NR6A1: variants seen among roughly 807,000 people sequenced by gnomAD.
The protein encoded by NR6A1 is retinoic acid receptor-related testis-associated receptor.
Under a neutral mutation model 59.1 loss-of-function variants are expected in NR6A1, and 7 were observed. The ratio of observed to expected loss-of-function variants is 0.12; its 90% CI spans 0.07 to 0.22. The LOEUF (loss-of-function observed/expected upper bound fraction) is 0.22, where lower values mean the gene tolerates loss of function less well. Among genes scored for constraint, NR6A1 ranks in the 10% least tolerant of loss-of-function variants. NR6A1 has a pLI of 1.00. For missense variants in NR6A1, 468 were observed against 611.6 expected, an observed-to-expected ratio of 0.77 and a Z score of 2.48; for synonymous variants, 243 against 236.1, an observed-to-expected ratio of 1.03 and a Z score of -0.27.
At chr9:124,719,801 T>C (rs1045601093) in intron 2 of NR6A1, among the ~76,000 whole-genome samples, 3 of 151,714 alleles carry the variant, frequency 2.0e-5, no homozygotes, top group Non-Finnish European at 2.9e-5. Context: ...GCGCCTATAG[T>C]CCCAGCCACT....
intron 2 of NR6A1, among the ~76,000 whole-genome samples, chr9:124,684,155 T>C (rs1838255452): frequency 6.6e-6 from 1 of 152,204 alleles, no homozygotes; most frequent in African/African-American, 2.4e-5. Flanking sequence ...ATGACCAAGC[T>C]GCCTCTCTTC....
chr9:124,553,549 C>CTTTTTTTTTTTTT (rs780925768), intron 3 of NR6A1, among the ~76,000 whole-genome samples: 481 of 47,354 alleles, frequency 0.01, 17 homozygotes, highest in Middle Eastern at 0.036. Flanking sequence ...TTTAGCTTGA[C>CTTTTTTTTTTTTT]TTTTTTTTTT....
intron 2 of NR6A1, among the ~76,000 whole-genome samples, chr9:124,661,158 A>G (rs917433816): frequency 6.6e-6 from 1 of 152,212 alleles, no homozygotes; most frequent in African/African-American, 2.4e-5. Context: ...TCAAAGCCCC[A>G]AGAATTTATT....
chr9:124,770,398 G>T (rs1369540510), intron 1 of NR6A1: 1 of 152,100 alleles, frequency 6.6e-6, no homozygotes, highest in Non-Finnish European at 1.5e-5. Context: ...CAGAGGTGGG[G>T]GGCTCGTAGT....
At chr9:124,559,885 T>C (rs944001823) in intron 2 of NR6A1, among the ~76,000 whole-genome samples, 10 of 152,232 alleles carry the variant, frequency 6.6e-5, no homozygotes, top group African/African-American at 2.2e-4. Context: ...TAAAACAAAG[T>C]ATCCAGAACT....
At chr9:124,616,243 A>C (rs1356736871) in intron 2 of NR6A1, among the ~76,000 whole-genome samples, 3 of 151,900 alleles carry the variant, frequency 2.0e-5, no homozygotes, top group Admixed American at 6.6e-5. Context: ...CTCTACTGAA[A>C]ATACAAAAAT....
intron 1 of NR6A1, among the ~76,000 whole-genome samples, chr9:124,750,735 G>C (rs879761511): frequency 4.6e-5 from 7 of 151,998 alleles, no homozygotes; most frequent in Non-Finnish European, 1.0e-4. Flanking sequence ...ACTCCAGCCT[G>C]GGTGACAGAG....
At chr9:124,693,746 G>A (rs1838647105) in intron 2 of NR6A1, 1 of 534,654 alleles carries the variant, frequency 1.9e-6, no homozygotes, top group Non-Finnish European at 3.8e-6. Context: ...CTGTCGGTGG[G>A]TTTGAGTCTG....
intron 2 of NR6A1, among the ~76,000 whole-genome samples, chr9:124,679,198 G>A (rs114485792): frequency 2.1e-3 from 318 of 152,278 alleles, no homozygotes; most frequent in African/African-American, 7.5e-3. Flanking sequence ...ATCTCACAGA[G>A]ACTGTACAAA....
intron 2 of NR6A1, among the ~76,000 whole-genome samples, chr9:124,576,294 G>C (rs1834589296): frequency 6.6e-6 from 1 of 151,798 alleles, no homozygotes; most frequent in South Asian, 2.1e-4. Flanking sequence ...TTGTTTTGTT[G>C]TTTTTTGTTT....
intron 3 of NR6A1, among the ~76,000 whole-genome samples, chr9:124,546,164 C>T (rs1311851084): frequency 2.0e-5 from 3 of 152,142 alleles, no homozygotes; most frequent in South Asian, 2.1e-4. Context: ...TAACAAAATA[C>T]GTATATGATA....
chr9:124,663,130 T>C (rs1035920052), intron 2 of NR6A1, among the ~76,000 whole-genome samples: 4 of 152,192 alleles, frequency 2.6e-5, no homozygotes, highest in Non-Finnish European at 5.9e-5. Context: ...TAGTAATGAA[T>C]TGGCAAAACA....
chr9:124,541,948 T>C (rs1032992303), intron 4 of NR6A1, among the ~76,000 whole-genome samples: 2 of 152,222 alleles, frequency 1.3e-5, no homozygotes, highest in Non-Finnish European at 2.9e-5. Context: ...GATTCCACTT[T>C]ATGAGGTATC....
chr9:124,585,426 C>A (rs1588687574), intron 2 of NR6A1, among the ~76,000 whole-genome samples: 1 of 151,834 alleles, frequency 6.6e-6, no homozygotes, highest in Admixed American at 6.6e-5. Context: ...CACCTGTAGT[C>A]CCAGCTACTC....
intron 2 of NR6A1, among the ~76,000 whole-genome samples, chr9:124,709,013 T>C (rs1255956792): frequency 6.6e-6 from 1 of 152,190 alleles, no homozygotes. Flanking sequence ...ATATCTCTCT[T>C]CTACTTGCCA....
intron 2 of NR6A1, among the ~76,000 whole-genome samples, chr9:124,687,837 T>C (rs1237771807): frequency 6.6e-6 from 1 of 152,138 alleles, no homozygotes; most frequent in Non-Finnish European, 1.5e-5. Context: ...AACTTCTCAT[T>C]TGACAATTTC....
At chr9:124,651,710 C>T (rs1333245724) in intron 2 of NR6A1, among the ~76,000 whole-genome samples, 1 of 152,166 alleles carries the variant, frequency 6.6e-6, no homozygotes, top group Non-Finnish European at 1.5e-5. Flanking sequence ...GGCCTCATTA[C>T]ATATCTAAAG....
At chr9:124,630,845 AT>A (rs1185335740) in intron 2 of NR6A1, among the ~76,000 whole-genome samples, 1 of 149,980 alleles carries the variant, frequency 6.7e-6, no homozygotes, top group East Asian at 2.0e-4. Flanking sequence ...CATCCTGCTG[AT>A]TTTGTATTTT....
chr9:124,649,438 T>C (rs1490877092), intron 2 of NR6A1, among the ~76,000 whole-genome samples: 1 of 152,080 alleles, frequency 6.6e-6, no homozygotes, highest in Admixed American at 6.5e-5. Context: ...GTTCTCTTAC[T>C]ACATAAAAAA....
Sources: allele counts gnomAD v4.1 joint callset (sites outside exome capture counted in the v4.1 genomes callset), GRCh38; gene constraint gnomAD v4.1.1; transcripts MANE v1.5; gene names NCBI Gene and HGNC (gene_info 2026-07-23, HGNC 2026-07-21).